The following RBMS3 variants were observed in gnomAD, a reference collection of about 807,000 sequenced individuals.
RBMS3 encodes RNA-binding motif, single-stranded-interacting protein 3.
A neutral mutation model predicts 66.8 loss-of-function variants in RBMS3; 27 were observed. The ratio of observed to expected loss-of-function variants is 0.40; its 90% confidence interval spans 0.30 to 0.56. The LOEUF is 0.56. Among genes scored for constraint, RBMS3 ranks in the 20% least tolerant of loss-of-function variants. The probability of loss-of-function intolerance (pLI) is 0.40; values close to 1 mark genes in which losing one functional copy is unlikely to be tolerated. For synonymous variants in RBMS3, 188 were observed against 183.0 expected, an observed-to-expected ratio of 1.03 and a Z score of -0.22; for missense variants, 513 against 549.5, an observed-to-expected ratio of 0.93 and a Z score of 0.66.
chr3:29,505,317 C>G (rs2044140403), intron 3 of RBMS3, among the ~76,000 whole-genome samples: 1 of 151,780 alleles, frequency 6.6e-6, no homozygotes, highest in Non-Finnish European at 1.5e-5. Flanking sequence ...ATAGACTGTC[C>G]TTTTGCTCTT....
intron 4 of RBMS3, among the ~76,000 whole-genome samples, chr3:29,654,599 CT>C (rs373340245): frequency 4.2e-4 from 51 of 121,086 alleles, no homozygotes; most frequent in African/African-American, 1.1e-3. Context: ...GACTTTTAAA[CT>C]TTTTTTTTTT....
At chr3:29,778,129 T>C (rs1417391306) in intron 6 of RBMS3, among the ~76,000 whole-genome samples, 1 of 151,962 alleles carries the variant, frequency 6.6e-6, no homozygotes, top group African/African-American at 2.4e-5. Context: ...TCAGTTAAGT[T>C]TGGCACAGAA....
chr3:29,561,702 C>T (rs1028296386), intron 3 of RBMS3, among the ~76,000 whole-genome samples: 14 of 152,096 alleles, frequency 9.2e-5, no homozygotes, highest in African/African-American at 2.9e-4. Context: ...CCGCCCGCCT[C>T]GGCCTCCCAA....
At chr3:29,651,341 C>G (rs915235068) in intron 4 of RBMS3, among the ~76,000 whole-genome samples, 21 of 152,088 alleles carry the variant, frequency 1.4e-4, no homozygotes, top group African/African-American at 5.1e-4. Context: ...TGAAAGAAAT[C>G]AGTTTGCTTT....
At chr3:29,435,027 C>T (rs538458380) in intron 2 of RBMS3, 112 bp downstream of exon 2, 1 of 1,100,952 alleles carries the variant, frequency 9.1e-7, no homozygotes, top group South Asian at 1.9e-5. Flanking sequence ...GTGAGGAAGA[C>T]TCTTCTTTAC....
At chr3:29,499,548 G>A (rs2043886800) in intron 3 of RBMS3, among the ~76,000 whole-genome samples, 1 of 152,002 alleles carries the variant, frequency 6.6e-6, no homozygotes, top group Non-Finnish European at 1.5e-5. Flanking sequence ...TTAGAAACAG[G>A]TATAATTTTC....
At chr3:29,764,537 A>G (rs915353330) in intron 6 of RBMS3, among the ~76,000 whole-genome samples, 18 of 152,128 alleles carry the variant, frequency 1.2e-4, no homozygotes, top group Middle Eastern at 3.4e-3. Flanking sequence ...CTAGGTGTAA[A>G]TTATATAATT....
At chr3:29,360,301 T>C (rs2125579288) in intron 1 of RBMS3, among the ~76,000 whole-genome samples, 1 of 152,148 alleles carries the variant, frequency 6.6e-6, no homozygotes, top group South Asian at 2.1e-4. Flanking sequence ...CATTTCGTTA[T>C]GTACCCAGTA....
intron 9 of RBMS3, among the ~76,000 whole-genome samples, chr3:29,899,164 C>T (rs895734651): frequency 4.0e-5 from 6 of 151,592 alleles, no homozygotes; most frequent in South Asian, 2.1e-4. Context: ...TTACCATGAG[C>T]GAAAATAATT....
Position 29,962,091 on chromosome 3 carries a change from G to T in RBMS3, c.1098+17837G>T, listed in dbSNP as rs1406322452. On this transcript the variant is annotated intron_variant, in intron 12 of 14. Coordinates refer to ENST00000383767, the MANE Select transcript of RBMS3 (RefSeq NM_001003793.3). Reference sequence around the variant, plus strand: ...TTATTATATATTGTATATATAATAAGATATATATACATATCTTTCTTTTAT... The same window carrying T: ...TTATTATATATTGTATATATAATAATATATATATACATATCTTTCTTTTAT... 1.8e-4 allele frequency among the ~76,000 whole-genome samples: 24 copies of T among 136,464 alleles called. No homozygotes were observed. The East Asian group carries it at 2.6e-3, about 15-fold the overall frequency. 89.5% of individuals were successfully genotyped at this position (136,464 alleles called of 152,430 possible).
intron 4 of RBMS3, among the ~76,000 whole-genome samples, chr3:29,627,883 G>A (rs2049130028): frequency 6.6e-6 from 1 of 152,062 alleles, no homozygotes; most frequent in Admixed American, 6.6e-5. Context: ...TATCTTTCAG[G>A]TCCCTCTGCT....
intron 5 of RBMS3, among the ~76,000 whole-genome samples, chr3:29,761,001 T>G (rs2055660536): frequency 6.6e-6 from 1 of 151,668 alleles, no homozygotes; most frequent in African/African-American, 2.4e-5. Context: ...TACTGAGCGT[T>G]AATGTTAAGT....
chr3:29,478,245 T>G (rs1029017884), intron 2 of RBMS3, among the ~76,000 whole-genome samples: 14 of 152,338 alleles, frequency 9.2e-5, no homozygotes, highest in African/African-American at 3.1e-4. Context: ...AGCAAAATGC[T>G]ACAAACCTGG....
intron 6 of RBMS3, among the ~76,000 whole-genome samples, chr3:29,845,472 T>G (rs1559731497): frequency 6.6e-6 from 1 of 152,206 alleles, no homozygotes; most frequent in Non-Finnish European, 1.5e-5. Flanking sequence ...TAAACCCAAT[T>G]AAATGCCTAC....
intron 6 of RBMS3, among the ~76,000 whole-genome samples, chr3:29,802,574 A>G (rs577509990): frequency 3.9e-5 from 6 of 152,370 alleles, no homozygotes; most frequent in African/African-American, 1.4e-4. Context: ...CCTGACAAAT[A>G]GCATGTGCCC....
chr3:29,747,420 A>AGATAGAT (rs2054966437), intron 5 of RBMS3, among the ~76,000 whole-genome samples: 1 of 151,406 alleles, frequency 6.6e-6, no homozygotes, highest in Admixed American at 6.6e-5. Flanking sequence ...ATAGATAGAT[A>AGATAGAT]GATAGATAGA....
chr3:29,715,609 T>C (rs1473390107), intron 4 of RBMS3, among the ~76,000 whole-genome samples: 1 of 152,112 alleles, frequency 6.6e-6, no homozygotes, highest in African/African-American at 2.4e-5. Context: ...AGAACTCCCT[T>C]GTATGTTCAA....
intron 11 of RBMS3, among the ~76,000 whole-genome samples, chr3:29,938,870 C>T (rs981500868): frequency 6.6e-6 from 1 of 151,890 alleles, no homozygotes; most frequent in African/African-American, 2.4e-5. Context: ...TCTCATTTTA[C>T]AAAGTGGGAA....
chr3:29,884,967 T>C (rs1006973018), intron 8 of RBMS3, among the ~76,000 whole-genome samples: 2 of 151,950 alleles, frequency 1.3e-5, no homozygotes, highest in Admixed American at 6.6e-5. Context: ...AAAAGCCTCA[T>C]TGAAGATCAA....
Sources: allele counts gnomAD v4.1 joint callset (sites outside exome capture counted in the v4.1 genomes callset), GRCh38; gene constraint gnomAD v4.1.1; transcripts MANE v1.5; gene names NCBI Gene and HGNC (gene_info 2026-07-23, HGNC 2026-07-21).